Variants in VAV2 observed in about 807,000 individuals in gnomAD.
VAV2 encodes the protein vav guanine nucleotide exchange factor 2, also known as guanine nucleotide exchange factor VAV2.
Under a neutral mutation model 132.5 loss-of-function variants are expected in VAV2, and 67 were observed. That is an observed-to-expected ratio of 0.51 (90% CI 0.42 to 0.62). The LOEUF is 0.62. Ranked by LOEUF, VAV2 falls within the 20% of genes least tolerant of loss-of-function variation. The pLI is 0.00. For synonymous variants in VAV2, 492 were observed against 443.5 expected, an observed-to-expected ratio of 1.11 and a Z score of -1.37; for missense variants, 938 against 1,153.6, an observed-to-expected ratio of 0.81 and a Z score of 2.71.
At position 133,788,872 on chromosome 9, in the gene VAV2, G is replaced by C. The variant is rs1834340766; in HGVS notation, c.1274+386C>G. Among the ~76,000 whole-genome samples the C allele has an allele frequency of 1.3e-5, 2 of 152,144 alleles. No individual in the cohort carries two copies. Among genetic ancestry groups the C allele is most frequent in the Non-Finnish European group, 1.5e-5 (1 of 68,018 alleles). On this transcript the variant is annotated intron_variant, in intron 14 of 29. Coordinates refer to ENST00000371850, the MANE Select transcript of VAV2 (RefSeq NM_001134398.2). The surrounding 1 kb of genome is among the most constrained non-coding windows in gnomAD (Gnocchi z 5.3). ...TGACCCCTGCCCCAGCACACAGTAG[G>C]TGCACAAGGAGGGCCCTGGACAAGC...
intron 7 of VAV2, 33 bp from the exon 8 acceptor site, chr9:133,807,359 C>T: frequency 6.3e-7 from 1 of 1,575,688 alleles, no homozygotes; most frequent in Non-Finnish European, 8.6e-7. Context: ...TGCCACCCTG[C>T]TGCTGTTGCC....
At chr9:133,775,162 G>A in intron 24 of VAV2, 111 bp from the exon 25 acceptor site, 5 of 851,412 alleles carry the variant, frequency 5.9e-6, no homozygotes, top group South Asian at 5.2e-5. Context: ...GTCCTCATCT[G>A]AGAGCTCATC....
intron 2 of VAV2, among the ~76,000 whole-genome samples, chr9:133,889,144 C>G (rs1200762611): frequency 6.6e-6 from 1 of 152,170 alleles, no homozygotes; most frequent in Non-Finnish European, 1.5e-5. Context: ...GGTGGGAAAC[C>G]GAGGCCCAGC....
chr9:133,931,976 T>G (rs936621644), intron 2 of VAV2, among the ~76,000 whole-genome samples: 4 of 152,164 alleles, frequency 2.6e-5, no homozygotes, highest in Non-Finnish European at 4.4e-5. Flanking sequence ...CGGGGTGCCT[T>G]CCTTCCCTCC....
chr9:133,894,960 T>C (rs916625530), intron 2 of VAV2, among the ~76,000 whole-genome samples: 12 of 152,298 alleles, frequency 7.9e-5, no homozygotes, highest in African/African-American at 2.6e-4. Flanking sequence ...TGGCCATCGG[T>C]GTCACCGCTG....
chr9:133,829,723 G>A (rs1035820999), intron 4 of VAV2, among the ~76,000 whole-genome samples: 1 of 152,066 alleles, frequency 6.6e-6, no homozygotes, highest in Non-Finnish European at 1.5e-5. Context: ...GGCTGGTCTC[G>A]AACTTCTGGC....
chr9:133,894,278 C>T (rs765580711), intron 2 of VAV2, among the ~76,000 whole-genome samples: 5 of 152,338 alleles, frequency 3.3e-5, no homozygotes, highest in Admixed American at 1.3e-4. Flanking sequence ...GGGATGGTGC[C>T]GGCCATCAGC....
At chr9:133,841,544 G>T (rs762778928) in intron 3 of VAV2, among the ~76,000 whole-genome samples, 1 of 152,122 alleles carries the variant, frequency 6.6e-6, no homozygotes, top group South Asian at 2.1e-4. Context: ...GTCCTGGAGT[G>T]AGTGTCCACA....
chr9:133,867,739 C>T (rs929390622), intron 2 of VAV2, among the ~76,000 whole-genome samples: 7 of 152,268 alleles, frequency 4.6e-5, no homozygotes, highest in African/African-American at 1.7e-4. Flanking sequence ...CACCTTCTCC[C>T]AGGAGGAGCA....
At chr9:133,986,916 G>A (rs1436954272) in intron 1 of VAV2, among the ~76,000 whole-genome samples, 1 of 152,146 alleles carries the variant, frequency 6.6e-6, no homozygotes, top group Non-Finnish European at 1.5e-5. Flanking sequence ...AGCCTCATGA[G>A]AGCAGGGACA....
intron 2 of VAV2, among the ~76,000 whole-genome samples, chr9:133,929,628 G>A (rs1588385308): frequency 2.6e-5 from 4 of 152,266 alleles, no homozygotes; most frequent in South Asian, 4.1e-4. Context: ...CTGCCTGCAC[G>A]CAAAAGCCAA....
intron 8 of VAV2, among the ~76,000 whole-genome samples, chr9:133,806,514 G>A (rs577469054): frequency 1.1e-3 from 174 of 151,628 alleles, no homozygotes; most frequent in African/African-American, 4.0e-3. Flanking sequence ...GCCACACCCC[G>A]GGACCCCCAT....
chr9:133,910,619 G>A (rs2132041183), intron 2 of VAV2, among the ~76,000 whole-genome samples: 1 of 149,526 alleles, frequency 6.7e-6, no homozygotes, highest in South Asian at 2.1e-4. Context: ...GACCATCCTG[G>A]CTAACACGGT....
At position 133,941,384 on chromosome 9, in the gene VAV2, G is replaced by C. The variant is rs1227389869; in HGVS notation, c.205-2165C>G. Among the ~76,000 whole-genome samples the C allele has an allele frequency of 3.3e-5, 5 of 151,156 alleles. No homozygotes were observed. In the East Asian group the frequency reaches 9.8e-4, roughly 30 times the overall value. On this transcript the variant is annotated intron_variant, in intron 1 of 29. Transcript: ENST00000371850. The stretch of plus-strand genomic sequence containing the variant: ...GATCGCACCACTGCACTCCAGCCTG[G>C]GTGACAGAGCGAGACTCCGTCTCAA...
Position 133,763,044 on chromosome 9 carries a change from GC to G in VAV2, c.*1017del, listed in dbSNP as rs1833313078. The G allele has an allele frequency of 6.6e-6, 1 of 152,566 alleles. No individual in the cohort carries two copies. Among genetic ancestry groups the G allele is most frequent in the African/African-American group, 2.4e-5 (1 of 41,412 alleles). The allele number at this position is 152,566 out of a possible 1,614,324, so 9.5% of individuals were successfully genotyped here. ...CCCCCAAGAGCACTTATTTTGAGTCGCCCGAGGCCCAGTTTGTAGGCTGCAG... is the reference window on the plus strand; with the variant it reads ...CCCCCAAGAGCACTTATTTTGAGTCGCCGAGGCCCAGTTTGTAGGCTGCAG... On this transcript the variant is annotated 3_prime_UTR_variant, in exon 30 of 30. Transcript: ENST00000371850. This position sits in a 1 kb window ranked among gnomAD's most constrained non-coding sequence, Gnocchi z 6.8.
rs778219391 is a variant in VAV2 at position 133,918,547 on chromosome 9, C to CTCAT, written c.321+20552_321+20555dup. Among the ~76,000 whole-genome samples, 2 of 149,364 alleles carry CTCAT rather than the reference C, an allele frequency of 1.3e-5. No homozygotes were observed. The highest frequency in any genetic ancestry group is 2.9e-5 in the Non-Finnish European group (2 of 67,908). ...GACAGTGCCAAGTCCTTCACGGCAG[C>CTCAT]TCATTCGTTCCTGCCTCACAACTCC... is the stretch of plus-strand genomic sequence containing the variant. On this transcript the variant is annotated intron_variant, in intron 2 of 29. Coordinates refer to ENST00000371850, the MANE Select transcript of VAV2 (RefSeq NM_001134398.2). This position sits in a 1 kb window ranked among gnomAD's most constrained non-coding sequence, Gnocchi z 4.7.
At chr9:133,921,223 C>T (rs1299658405) in intron 2 of VAV2, among the ~76,000 whole-genome samples, 3 of 152,158 alleles carry the variant, frequency 2.0e-5, no homozygotes, top group South Asian at 2.1e-4. Flanking sequence ...CTGTGCGTGC[C>T]GGAGTGTGGG....
rs377410777 is a variant in VAV2 at position 133,819,406 on chromosome 9, G to A, written c.450-7190C>T. Among the ~76,000 whole-genome samples, 983 of 151,174 alleles carry A rather than the reference G, an allele frequency of 6.5e-3. 22 individuals carry two copies. The highest frequency in any genetic ancestry group is 0.045 in the South Asian group (213 of 4,766). The stretch of plus-strand genomic sequence containing the variant: ...GGAGTTTGCAGAGAGCCGAGATCGC[G>A]TCACTGCACTCCAGCCTGGGCGACA... On this transcript the variant is annotated intron_variant, in intron 4 of 29. Transcript: ENST00000371850.
At chr9:133,828,278 G>A (rs372750992) in intron 4 of VAV2, among the ~76,000 whole-genome samples, 1 of 115,426 alleles carries the variant, frequency 8.7e-6, no homozygotes, top group South Asian at 3.3e-4. Flanking sequence ...GCCAGCTACC[G>A]CTGCGCCCAC....
Sources: gnomAD v4.1 joint callset for allele counts (sites outside exome capture counted in the v4.1 genomes callset) on GRCh38, gnomAD v4.1.1 for gene constraint, Gnocchi (gnomAD v3.1) non-coding constraint, MANE v1.5 for transcripts, NCBI Gene and HGNC (gene_info 2026-07-23, HGNC 2026-07-21) for gene names.